CHODL: variants seen among roughly 807,000 people sequenced by gnomAD.
CHODL encodes transmembrane protein MT75.
A neutral mutation model predicts 34.5 loss-of-function variants in CHODL; 29 were observed. That is an observed-to-expected ratio of 0.84 (90% CI 0.63 to 1.15). The LOEUF is 1.15. CHODL is among the 50% of genes most tolerant of loss of function. The pLI is 0.00. For missense variants in CHODL, 332 were observed against 332.5 expected (o/e 1.00, Z 0.01); for synonymous variants, 125 against 116.1 (o/e 1.08, Z -0.49).
At chr21:18,102,738 A>T (rs1217232939) in intron 2 of CHODL, among the ~76,000 whole-genome samples, 1 of 152,162 alleles carries the variant, frequency 6.6e-6, no homozygotes, top group Non-Finnish European at 1.5e-5. Context: ...AAAAATGAAC[A>T]CTTGAGCCTA....
chr21:18,193,764 A>T (rs2073547343), intron 2 of CHODL, among the ~76,000 whole-genome samples: 2 of 151,820 alleles, frequency 1.3e-5, no homozygotes, highest in South Asian at 2.1e-4. Flanking sequence ...ACTTAAAAAA[A>T]AGTCCTTTGT....
intron 2 of CHODL, among the ~76,000 whole-genome samples, chr21:18,137,255 G>C (rs577445296): frequency 1.3e-5 from 2 of 152,072 alleles, no homozygotes; most frequent in Non-Finnish European, 2.9e-5. Context: ...TCCTATCATT[G>C]CTCCTGGGAT....
chr21:18,195,596 T>C (rs1043609664), intron 2 of CHODL, among the ~76,000 whole-genome samples: 5 of 152,206 alleles, frequency 3.3e-5, no homozygotes, highest in Admixed American at 3.3e-4. Flanking sequence ...CCACTTAGCA[T>C]AATGTCCTCC....
chr21:18,188,037 T>A (rs1311401367), intron 2 of CHODL, among the ~76,000 whole-genome samples: 1 of 152,208 alleles, frequency 6.6e-6, no homozygotes, highest in African/African-American at 2.4e-5. Flanking sequence ...CTAGGTTGCC[T>A]ATGGTTCTAA....
At chr21:18,025,720 A>G (rs2064168241) in intron 1 of CHODL, among the ~76,000 whole-genome samples, 1 of 152,080 alleles carries the variant, frequency 6.6e-6, no homozygotes, top group Non-Finnish European at 1.5e-5. Context: ...TCGGGGAGCT[A>G]GAAGGCTGCG....
chr21:17,928,113 C>T (rs1227762285), intron 1 of CHODL, among the ~76,000 whole-genome samples: 1 of 152,190 alleles, frequency 6.6e-6, no homozygotes, highest in Non-Finnish European at 1.5e-5. Flanking sequence ...AAGGGTTGTT[C>T]TCATCTTTCA....
chr21:18,174,123 GTATATATATATATATA>G lies in CHODL; in HGVS notation c.-44-82363_-44-82348del, dbSNP rs1159511070. ...GATATATATATATATATATCTTGGTGTATATATATATATATATATATATATATATATATATATAAAA... is the reference window on the plus strand; with the variant it reads ...GATATATATATATATATATCTTGGTGTATATATATATATATATATATAAAA... On this transcript the variant is annotated intron_variant, in intron 2 of 6. Transcript: ENST00000400127. Among the ~76,000 whole-genome samples, 16 of 21,544 alleles carry G rather than the reference GTATATATATATATATA, an allele frequency of 7.4e-4. 1 individual carries two copies. Among genetic ancestry groups the G allele is most frequent in the South Asian group, 1.4e-3 (1 of 720 alleles). The allele number at this position is 21,544 out of a possible 152,430, so 14.1% of individuals were successfully genotyped here. A position where few individuals can be genotyped will look rare whatever the true frequency, so the allele number is the denominator to read the frequency against.
chr21:18,261,236 T>C (rs1033456479), intron 4 of CHODL, among the ~76,000 whole-genome samples: 1 of 152,188 alleles, frequency 6.6e-6, no homozygotes, highest in African/African-American at 2.4e-5. Context: ...AGACATGATA[T>C]TAAGGCTTAG....
chr21:18,237,706 ATATT>A (rs1171603530), intron 2 of CHODL, among the ~76,000 whole-genome samples: 1 of 152,174 alleles, frequency 6.6e-6, no homozygotes, highest in Non-Finnish European at 1.5e-5. Flanking sequence ...TTTTGGATAA[ATATT>A]TACCAAATAC....
intron 1 of CHODL, among the ~76,000 whole-genome samples, chr21:17,961,367 G>C (rs1431806397): frequency 1.3e-5 from 2 of 152,196 alleles, no homozygotes; most frequent in Non-Finnish European, 1.5e-5. Flanking sequence ...GTTTTGAAAG[G>C]TTCCTCTGGG....
At chr21:18,006,935 T>C (rs1051664102) in intron 1 of CHODL, among the ~76,000 whole-genome samples, 2 of 152,230 alleles carry the variant, frequency 1.3e-5, no homozygotes, top group Non-Finnish European at 2.9e-5. Flanking sequence ...TGGCTTGATG[T>C]TGCAGATGCA....
chr21:18,084,533 T>C (rs1568877379), intron 2 of CHODL, among the ~76,000 whole-genome samples: 1 of 152,212 alleles, frequency 6.6e-6, no homozygotes, highest in Non-Finnish European at 1.5e-5. Context: ...CCAGTGATCA[T>C]TCAGGAAAAT....
At chr21:18,202,101 G>A (rs113019817) in intron 2 of CHODL, among the ~76,000 whole-genome samples, 4,553 of 152,092 alleles carry the variant, frequency 0.03, 232 homozygotes, top group African/African-American at 0.1. Context: ...CACGGCGCCC[G>A]GCCTACAGAC....
At chr21:18,045,322 C>T (rs2064428472) in intron 2 of CHODL, among the ~76,000 whole-genome samples, 3 of 151,912 alleles carry the variant, frequency 2.0e-5, no homozygotes, top group Admixed American at 2.0e-4. Context: ...ATTACATTTG[C>T]AGATGTAATT....
At chr21:18,146,010 C>T (rs996773579) in intron 2 of CHODL, among the ~76,000 whole-genome samples, 1 of 152,050 alleles carries the variant, frequency 6.6e-6, no homozygotes, top group African/African-American at 2.4e-5. Context: ...ACTCTGTCAC[C>T]CAGGCTGGAG....
At chr21:18,229,666 A>T (rs2073961726) in intron 2 of CHODL, among the ~76,000 whole-genome samples, 1 of 152,112 alleles carries the variant, frequency 6.6e-6, no homozygotes, top group Non-Finnish European at 1.5e-5. Context: ...TGGAATAATA[A>T]TACAAACTAC....
intron 2 of CHODL, among the ~76,000 whole-genome samples, chr21:18,090,494 A>G (rs551092535): frequency 1.3e-5 from 2 of 152,302 alleles, no homozygotes; most frequent in Admixed American, 6.5e-5. Flanking sequence ...TATTTCAGGT[A>G]ATAGAAGATA....
chr21:18,189,913 G>A (rs1347444353), intron 2 of CHODL, among the ~76,000 whole-genome samples: 3 of 152,068 alleles, frequency 2.0e-5, no homozygotes, highest in Non-Finnish European at 4.4e-5. Context: ...GGGATTACAG[G>A]CATGAGCCAC....
intron 2 of CHODL, among the ~76,000 whole-genome samples, chr21:18,175,181 T>C (rs768587170): frequency 6.6e-6 from 1 of 152,222 alleles, no homozygotes; most frequent in Non-Finnish European, 1.5e-5. Flanking sequence ...TAAATTGCAG[T>C]ACAGATGCAT....
Sources: allele counts gnomAD v4.1 joint callset (sites outside exome capture counted in the v4.1 genomes callset), GRCh38; gene constraint gnomAD v4.1.1; transcripts MANE v1.5; gene names NCBI Gene and HGNC (gene_info 2026-07-23, HGNC 2026-07-21).